The following CNTNAP4 variants were observed in gnomAD, a reference collection of about 807,000 sequenced individuals.
CNTNAP4 encodes contactin associated protein family member 4, also known as contactin-associated protein-like 4.
A neutral mutation model predicts 148.4 loss-of-function variants in CNTNAP4; 98 were observed. The observed-to-expected ratio is 0.66, with a 90% CI of 0.56 to 0.78. The LOEUF is 0.78. CNTNAP4 is among the 30% of genes least tolerant of loss of function. The pLI is 0.00. For missense variants in CNTNAP4, 1,935 were observed against 1,565.6 expected (o/e 1.24, Z -3.98); for synonymous variants, 730 against 565.1 (o/e 1.29, Z -4.14).
At chr16:76,367,460 TA>T (rs1284808181) in intron 3 of CNTNAP4, among the ~76,000 whole-genome samples, 1 of 151,988 alleles carries the variant, frequency 6.6e-6, no homozygotes, top group Non-Finnish European at 1.5e-5. Context: ...ATATAACATA[TA>T]TAACATAAAA....
chr16:76,401,010 C>T (rs1409700993), intron 3 of CNTNAP4, among the ~76,000 whole-genome samples: 2 of 152,128 alleles, frequency 1.3e-5, no homozygotes, highest in Admixed American at 6.6e-5. Flanking sequence ...AGGATTGCCT[C>T]GGCTATTTGG....
chr16:76,553,696 A>G, intron 22 of CNTNAP4, 140 bp from the exon 23 acceptor site: 3 of 652,174 alleles, frequency 4.6e-6, no homozygotes, highest in South Asian at 4.0e-5. Flanking sequence ...ATTGCCATTG[A>G]CATTGCTTAA....
intron 2 of CNTNAP4, among the ~76,000 whole-genome samples, chr16:76,347,219 G>A (rs1350122882): frequency 4.0e-5 from 6 of 151,874 alleles, no homozygotes; most frequent in Non-Finnish European, 8.8e-5. Context: ...AAAATACCGT[G>A]CATCAAAGAA....
At chr16:76,344,667 T>C (rs561065682) in intron 2 of CNTNAP4, among the ~76,000 whole-genome samples, 1 of 152,348 alleles carries the variant, frequency 6.6e-6, no homozygotes, top group Admixed American at 6.5e-5. Flanking sequence ...TTAGCAGTTA[T>C]GAATATTGTC....
intron 3 of CNTNAP4, among the ~76,000 whole-genome samples, chr16:76,394,572 T>C (rs1176666039): frequency 1.3e-5 from 2 of 152,208 alleles, no homozygotes; most frequent in East Asian, 3.8e-4. Flanking sequence ...TTTTTCCCCC[T>C]TCTCCTTTCC....
intron 3 of CNTNAP4, among the ~76,000 whole-genome samples, chr16:76,365,063 G>T (rs2013945525): frequency 6.6e-6 from 1 of 152,176 alleles, no homozygotes; most frequent in South Asian, 2.1e-4. Context: ...AAGGTGTGAG[G>T]AAGGGATTCA....
At chr16:76,546,326 C>G (rs1008575589) in intron 21 of CNTNAP4, among the ~76,000 whole-genome samples, 7 of 152,156 alleles carry the variant, frequency 4.6e-5, no homozygotes, top group African/African-American at 1.7e-4. Context: ...GGCAGGCAGG[C>G]AAGCAAGCGA....
At chr16:76,522,687 CTTTCTTTTCTTTTCTTTTCTTTTCT>C (rs71378619) in intron 17 of CNTNAP4, among the ~76,000 whole-genome samples, 599 of 30,076 alleles carry the variant, frequency 0.02, 26 homozygotes, top group African/African-American at 0.043. Flanking sequence ...TCTTTCTCTC[CTTTCTTTTCTTTTCTTTTCTTTTCT>C]TTTCTTTTCT....
At chr16:76,523,238 G>GCCCCC (rs372472370) in intron 17 of CNTNAP4, among the ~76,000 whole-genome samples, 3 of 103,100 alleles carry the variant, frequency 2.9e-5, no homozygotes, top group African/African-American at 7.3e-5. Context: ...CACTCCCCCG[G>GCCCCC]CCCCCCCGCC....
At chr16:76,539,579 T>C (rs897967808) in intron 19 of CNTNAP4, 140 bp from the exon 20 acceptor site, 1 of 685,230 alleles carries the variant, frequency 1.5e-6, no homozygotes, top group African/African-American at 1.9e-5. Context: ...GGAAACTGAC[T>C]CTTGGGGATT....
In CNTNAP4 at chr16:76,505,523, A is replaced by C. The variant is rs1446633552; in HGVS notation, c.2365+6829A>C. Among the ~76,000 whole-genome samples, 2 of 97,362 alleles carry C rather than the reference A, an allele frequency of 2.1e-5. 1 individual carries two copies. Among genetic ancestry groups the C allele is most frequent in the Non-Finnish European group, 5.8e-5 (2 of 34,318 alleles). 63.9% of individuals were successfully genotyped at this position (97,362 alleles called of 152,430 possible). On this transcript the variant is annotated intron_variant, in intron 15 of 23. Transcript: ENST00000611870. ...ACAAGAAAACTTTGTCAGGTGAACA[A>C]AATGTTCCATATCTTGAGGGTGGTG...
intron 1 of CNTNAP4, among the ~76,000 whole-genome samples, chr16:76,301,460 A>G (rs1959958007): frequency 6.6e-6 from 1 of 152,200 alleles, no homozygotes; most frequent in South Asian, 2.1e-4. Context: ...ATCTAATTCA[A>G]GGCATGGTAC....
intron 1 of CNTNAP4, among the ~76,000 whole-genome samples, chr16:76,284,468 C>T (rs1165715710): frequency 6.6e-6 from 1 of 151,802 alleles, no homozygotes; most frequent in Non-Finnish European, 1.5e-5. Flanking sequence ...GTTTTGGAGA[C>T]CCTGTGATTA....
intron 15 of CNTNAP4, among the ~76,000 whole-genome samples, chr16:76,518,850 C>G (rs2083351109): frequency 6.6e-6 from 1 of 152,172 alleles, no homozygotes; most frequent in South Asian, 2.1e-4. Context: ...CTCTTTTCCC[C>G]CTCCGCCATT....
intron 3 of CNTNAP4, among the ~76,000 whole-genome samples, chr16:76,388,015 G>C (rs2016658777): frequency 6.6e-6 from 1 of 152,102 alleles, no homozygotes; most frequent in African/African-American, 2.4e-5. Flanking sequence ...GTCATTAACG[G>C]GTGCTTGCCA....
intron 21 of CNTNAP4, among the ~76,000 whole-genome samples, chr16:76,546,258 G>A (rs8054688): frequency 0.26 from 39,871 of 152,014 alleles, 5,493 homozygotes; most frequent in African/African-American, 0.33. Flanking sequence ...CAGTATGATC[G>A]GGGGTTCCTA....
intron 2 of CNTNAP4, among the ~76,000 whole-genome samples, chr16:76,317,793 AGATATAACACTTTAACAT>A (rs1307136446): frequency 6.6e-6 from 1 of 152,160 alleles, no homozygotes; most frequent in Non-Finnish European, 1.5e-5. Context: ...ATTACAATAT[AGATATAACACTTTAACAT>A]GATTTTAAGC....
In CNTNAP4 at chr16:76,508,753, CTT is replaced by C. The variant is rs373123073; in HGVS notation, c.2365+10075_2365+10076del. ...TGACTGACTTGATACAAAATCATAA[CTT>C]TTTTTTTTTTTTTTTGAGATGGAGT... On this transcript the variant is annotated intron_variant, in intron 15 of 23. Transcript: ENST00000611870. Among the ~76,000 whole-genome samples the C allele has an allele frequency of 4.9e-4, 35 of 70,954 alleles. 3 individuals carry two copies. The highest frequency in any genetic ancestry group is 1.1e-3 in the African/African-American group (34 of 32,006). 46.5% of individuals were successfully genotyped at this position (70,954 alleles called of 152,430 possible).
At chr16:76,431,218 A>G (rs2079593314) in intron 4 of CNTNAP4, among the ~76,000 whole-genome samples, 1 of 152,188 alleles carries the variant, frequency 6.6e-6, no homozygotes, top group African/African-American at 2.4e-5. Flanking sequence ...CCAGTCAAGC[A>G]CAGGAAAGAG....
Sources: allele counts gnomAD v4.1 joint callset (sites outside exome capture counted in the v4.1 genomes callset), GRCh38; gene constraint gnomAD v4.1.1; transcripts MANE v1.5; gene names NCBI Gene and HGNC (gene_info 2026-07-23, HGNC 2026-07-21).